SLC26A11: variants seen among roughly 807,000 people sequenced by gnomAD.
SLC26A11 encodes sodium-independent sulfate anion transporter.
Under a neutral mutation model 62.2 loss-of-function variants are expected in SLC26A11, and 58 were observed. That is an observed-to-expected ratio of 0.93 (90% CI 0.76 to 1.16). The LOEUF is 1.16. Ranked by LOEUF, SLC26A11 falls within the 50% of genes most tolerant of loss-of-function variation. The pLI is 0.00. For synonymous variants in SLC26A11, 411 were observed against 368.9 expected (o/e 1.11, Z -1.31); for missense variants, 790 against 794.3 (o/e 0.99, Z 0.06).
chr17:80,236,373 C>A (rs1436509462), intron 7 of SLC26A11, among the ~76,000 whole-genome samples: 1 of 152,224 alleles, frequency 6.6e-6, no homozygotes, highest in Non-Finnish European at 1.5e-5. Flanking sequence ...AGCATTGCCC[C>A]CTGAACTCAG....
At chr17:80,245,291 G>A (rs753110529) in intron 11 of SLC26A11, 35 bp downstream of exon 11, 9 of 1,608,592 alleles carry the variant, frequency 5.6e-6, no homozygotes, top group Admixed American at 3.3e-5. Context: ...GTTTGCCCAC[G>A]TTGGACGCCC....
At chr17:80,233,274 C>T (rs1333661701) in intron 7 of SLC26A11, among the ~76,000 whole-genome samples, 1 of 151,938 alleles carries the variant, frequency 6.6e-6, no homozygotes, top group Non-Finnish European at 1.5e-5. Flanking sequence ...GCTTGGTCTA[C>T]AGGCATGCAC....
chr17:80,245,681 T>C (rs949122813), intron 11 of SLC26A11, among the ~76,000 whole-genome samples: 6 of 152,204 alleles, frequency 3.9e-5, no homozygotes, highest in Non-Finnish European at 5.9e-5. Context: ...CCAGAGTCAA[T>C]TCCTGAAAGG....
chr17:80,222,429 C>G lies in SLC26A11; in HGVS notation c.235-226C>G, dbSNP rs9912360. The stretch of plus-strand genomic sequence containing the variant: ...GACTTGGACACAGCACACGGGCCTG[C>G]ACCGACCCCTCTGCCTGGCTGTCTG... On this transcript the variant is annotated intron_variant, in intron 3 of 17. Coordinates refer to ENST00000361193, the MANE Select transcript of SLC26A11 (RefSeq NM_001166347.2). The surrounding 1 kb of genome is among the most constrained non-coding windows in gnomAD (Gnocchi z 4.7). The G allele has an allele frequency of 1.7e-6, 1 of 572,910 alleles. No individual in the cohort carries two copies. Among genetic ancestry groups the G allele is most frequent in the African/African-American group, 1.9e-5 (1 of 52,926 alleles). The allele number at this position is 572,910 out of a possible 1,614,324, so 35.5% of individuals were successfully genotyped here. A position where few individuals can be genotyped will look rare whatever the true frequency, so the allele number is the denominator to read the frequency against.
At chr17:80,248,009 T>C (rs2043053121) in intron 13 of SLC26A11, 121 bp from the exon 14 acceptor site, 3 of 1,255,156 alleles carry the variant, frequency 2.4e-6, no homozygotes, top group Non-Finnish European at 3.2e-6. Flanking sequence ...CAGGGGCTGC[T>C]TGGGGTCCAT....
chr17:80,245,330 C>A, intron 11 of SLC26A11, 74 bp downstream of exon 11: 1 of 1,486,814 alleles, frequency 6.7e-7, no homozygotes, highest in Non-Finnish European at 9.4e-7. Context: ...AAGGAGTCTG[C>A]CTGCCCTGAC....
chr17:80,233,200 G>T (rs1379389225), intron 7 of SLC26A11, among the ~76,000 whole-genome samples: 1 of 150,112 alleles, frequency 6.7e-6, no homozygotes, highest in Admixed American at 6.7e-5. Flanking sequence ...AGTGAGCCAA[G>T]ATCCGTCACT....
chr17:80,248,338 G>T, intron 14 of SLC26A11, 81 bp downstream of exon 14: 2 of 1,506,470 alleles, frequency 1.3e-6, no homozygotes, highest in Non-Finnish European at 1.8e-6. Context: ...AGGGTCCGGG[G>T]TGATTGTGGT....
At chr17:80,231,831 A>T (rs2042573603) in intron 7 of SLC26A11, among the ~76,000 whole-genome samples, 1 of 152,192 alleles carries the variant, frequency 6.6e-6, no homozygotes, top group Non-Finnish European at 1.5e-5. Flanking sequence ...GTTTTCCTTT[A>T]TTGAGAGTTG....
Position 80,224,288 on chromosome 17 carries a change from A to G in SLC26A11, c.513+951A>G, listed in dbSNP as rs796976478. 1.2e-3 allele frequency among the ~76,000 whole-genome samples: 76 copies of G among 64,176 alleles called. 1 individual carries two copies. The highest frequency in any genetic ancestry group is 4.5e-3 in the South Asian group (7 of 1,572). The allele number at this position is 64,176 out of a possible 152,430, so 42.1% of individuals were successfully genotyped here. A position where few individuals can be genotyped will look rare whatever the true frequency, so the allele number is the denominator to read the frequency against. On this transcript the variant is annotated intron_variant, in intron 5 of 17. Transcript: ENST00000361193. Reference sequence around the variant, plus strand: ...GCGTGTGTGAGTGAGTGCGTGTGTGAGTGAGTGTGCGTGTGTGTGTGAGAG... The same window carrying G: ...GCGTGTGTGAGTGAGTGCGTGTGTGGGTGAGTGTGCGTGTGTGTGTGAGAG...
At chr17:80,249,004 C>T (rs9904365) in intron 15 of SLC26A11, 150 bp from the exon 16 acceptor site, 385,855 of 941,986 alleles carry the variant, frequency 0.41, 81,467 homozygotes, top group East Asian at 0.62. Context: ...TCCTGCCACC[C>T]GAATCCCCCA....
At position 80,228,538 on chromosome 17, in the gene SLC26A11, C is replaced by G. The variant is rs1488330074; in HGVS notation, c.736+578C>G. Among the ~76,000 whole-genome samples the G allele has an allele frequency of 6.6e-6, 1 of 152,182 alleles. No homozygotes were observed. Among genetic ancestry groups the G allele is most frequent in the Non-Finnish European group, 1.5e-5 (1 of 68,044 alleles). The stretch of plus-strand genomic sequence containing the variant: ...AGCTGTGGCCGTTCTCAACCTGAAG[C>G]AGTTTTGCCCCCTGGTGACACGTGG... On this transcript the variant is annotated intron_variant, in intron 7 of 17. Transcript: ENST00000361193. This position sits in a 1 kb window ranked among gnomAD's most constrained non-coding sequence, Gnocchi z 4.1.
chr17:80,251,289 G>A lies in SLC26A11; in HGVS notation c.1657-40G>A. On this transcript the variant is annotated intron_variant, in intron 16 of 17. Transcript: ENST00000361193. Reference sequence around the variant, plus strand: ...AGGCTGCCGACCCGTGTGCTACAGAGGAACATCCCTGCCCTGGCTAAAGTC... The same window carrying A: ...AGGCTGCCGACCCGTGTGCTACAGAAGAACATCCCTGCCCTGGCTAAAGTC... 5 of 1,613,920 alleles carry A rather than the reference G, an allele frequency of 3.1e-6. No homozygotes were observed. The South Asian group carries it at 5.5e-5, about 18-fold the overall frequency.
rs923144786 is a variant in SLC26A11, at chr17:80,249,936, C to T, written c.1656+649C>T. On this transcript the variant is annotated intron_variant, in intron 16 of 17. Transcript: ENST00000361193. ...AAACAAACGAAAAAAAACAGGTGCT[C>T]ATAGAATTTCATGAAAAACGTATTG... 2.0e-5 allele frequency among the ~76,000 whole-genome samples: 3 copies of T among 152,186 alleles called. 1 individual carries two copies. Among genetic ancestry groups the T allele is most frequent in the Middle Eastern group, 6.8e-3 (2 of 294 alleles).
At chr17:80,225,603 C>G in intron 5 of SLC26A11, 1 of 501,060 alleles carries the variant, frequency 2.0e-6, no homozygotes. Context: ...ATATCACTGA[C>G]CCAGTAATTG....
chr17:80,230,773 T>C (rs1386090738), intron 7 of SLC26A11, among the ~76,000 whole-genome samples: 1 of 152,168 alleles, frequency 6.6e-6, no homozygotes, highest in Non-Finnish European at 1.5e-5. Flanking sequence ...CTGACTCCTT[T>C]CTCCCCAGTG....
intron 7 of SLC26A11, among the ~76,000 whole-genome samples, chr17:80,234,487 T>A (rs2144916288): frequency 6.6e-6 from 1 of 152,340 alleles, no homozygotes; most frequent in Middle Eastern, 3.4e-3. Context: ...TGTTTGTTTT[T>A]TGTTTTCTGT....
At chr17:80,247,423 G>A (rs2043035441) in intron 13 of SLC26A11, among the ~76,000 whole-genome samples, 1 of 152,188 alleles carries the variant, frequency 6.6e-6, no homozygotes, top group African/African-American at 2.4e-5. Context: ...GGGCGGCCGG[G>A]CAGAGGCGCC....
In SLC26A11 at chr17:80,221,873, C is replaced by A. The variant is rs190466565; in HGVS notation, c.234+79C>A. The A allele has an allele frequency of 2.9e-6, 4 of 1,384,858 alleles. 1 individual carries two copies. The South Asian group carries it at 5.5e-5, about 19-fold the overall frequency. The allele number at this position is 1,384,858 out of a possible 1,614,324, so 85.8% of individuals were successfully genotyped here. On this transcript the variant is annotated intron_variant, in intron 3 of 17. Transcript: ENST00000361193. ...CAGTATCAATCCCAGACACCATCAG[C>A]GATTCCAGGTTTCCAGCCCCTGGGC...
Sources: gnomAD v4.1 joint callset for allele counts (sites outside exome capture counted in the v4.1 genomes callset) on GRCh38, gnomAD v4.1.1 for gene constraint, Gnocchi (gnomAD v3.1) non-coding constraint, MANE v1.5 for transcripts, NCBI Gene and HGNC (gene_info 2026-07-23, HGNC 2026-07-21) for gene names.